Variants in ZNF420 observed in about 807,000 individuals in gnomAD.
The protein encoded by ZNF420 is ATM and p53-associated KZNF protein.
ZNF420 carries 31 observed loss-of-function variants against 44.7 expected under a neutral mutation model. The observed-to-expected ratio is 0.69, with a 90% confidence interval of 0.52 to 0.94. The LOEUF (loss-of-function observed/expected upper bound fraction) is 0.94, where lower values mean the gene tolerates loss of function less well. Among genes scored for constraint, ZNF420 ranks in the 40% least tolerant of loss-of-function variants. The pLI, the probability that ZNF420 is intolerant of heterozygous loss-of-function variation, is 0.00. For synonymous variants in ZNF420, 245 were observed against 267.4 expected, an observed-to-expected ratio of 0.92 and a Z score of 0.82; for missense variants, 681 against 827.9, an observed-to-expected ratio of 0.82 and a Z score of 2.18.
intron 4 of ZNF420, among the ~76,000 whole-genome samples, chr19:37,121,848 C>A (rs1971061954): frequency 6.6e-6 from 1 of 152,126 alleles, no homozygotes; most frequent in African/African-American, 2.4e-5. Context: ...ATTTATGCAG[C>A]CAAAAAACAC....
intron 1 of ZNF420, chr19:37,025,178 G>T: frequency 2.3e-6 from 1 of 434,154 alleles, no homozygotes; most frequent in Non-Finnish European, 3.7e-6. Context: ...ACAGAAAGTT[G>T]GCGGCTAGTC....
chr19:37,119,135 A>G (rs1045528109), intron 4 of ZNF420, among the ~76,000 whole-genome samples: 2 of 152,156 alleles, frequency 1.3e-5, no homozygotes, highest in Non-Finnish European at 2.9e-5. Flanking sequence ...AGACATCTAC[A>G]GAACTCTCCA....
chr19:37,114,638 T>C (rs112421556), intron 4 of ZNF420, among the ~76,000 whole-genome samples: 1,996 of 152,302 alleles, frequency 0.013, 47 homozygotes, highest in African/African-American at 0.045. Flanking sequence ...ACATTTTGCA[T>C]TGACCGAACC....
In ZNF420 at chr19:37,054,802, T is replaced by G. The variant is rs567362760; in HGVS notation, c.-124-25543T>G. On this transcript the variant is annotated intron_variant, in intron 1 of 4. Coordinates refer to the ZNF420 transcript ENST00000587029. ...TTTTCTTGGAGAGTTTCTTGATTCTTCTCAGTTGTAGCAGGATGGACTGAC... is the reference window on the plus strand; with the variant it reads ...TTTTCTTGGAGAGTTTCTTGATTCTGCTCAGTTGTAGCAGGATGGACTGAC... 2.6e-5 allele frequency among the ~76,000 whole-genome samples: 4 copies of G among 152,302 alleles called. No individual in the cohort carries two copies. In the East Asian group the frequency reaches 7.7e-4, roughly 29 times the overall value.
At chr19:37,026,700 G>A (rs994128023) in intron 1 of ZNF420, among the ~76,000 whole-genome samples, 4 of 152,148 alleles carry the variant, frequency 2.6e-5, no homozygotes, top group Non-Finnish European at 5.9e-5. Context: ...GACTTCAAGT[G>A]ATCCTCCTGC....
At chr19:37,017,334 A>G (rs1255643587) in intron 1 of ZNF420, among the ~76,000 whole-genome samples, 1 of 152,208 alleles carries the variant, frequency 6.6e-6, no homozygotes, top group African/African-American at 2.4e-5. Context: ...AGGATGCCCA[A>G]TTGGTGTGCA....
chr19:37,109,175 C>T lies in ZNF420; in HGVS notation c.137-17953C>T, dbSNP rs369426727. Among the ~76,000 whole-genome samples the T allele has an allele frequency of 5.3e-5, 8 of 152,266 alleles. No homozygotes were observed. In the East Asian group the frequency reaches 9.6e-4, roughly 18 times the overall value. Reference sequence around the variant, plus strand: ...TCTCCCTAGACAAATAGGAGGATAACGATACCCAGTAGAAATATTTATCGT... The same window carrying T: ...TCTCCCTAGACAAATAGGAGGATAATGATACCCAGTAGAAATATTTATCGT... On this transcript the variant is annotated intron_variant, in intron 4 of 4. Coordinates refer to ENST00000337995, the MANE Select transcript of ZNF420 (RefSeq NM_144689.5).
intron 4 of ZNF420, among the ~76,000 whole-genome samples, chr19:37,095,226 T>C (rs888394466): frequency 1.3e-5 from 2 of 151,892 alleles, no homozygotes; most frequent in Admixed American, 1.3e-4. Context: ...ACTTTGGGGG[T>C]ATTTCTGCCT....
intron 1 of ZNF420, among the ~76,000 whole-genome samples, chr19:37,010,092 A>C (rs1209224728): frequency 3.3e-5 from 5 of 152,148 alleles, no homozygotes; most frequent in African/African-American, 4.8e-5. Context: ...GCGCGAGAGG[A>C]TTATCCCGTC....
At chr19:37,066,096 C>A (rs776418774) in intron 1 of ZNF420, among the ~76,000 whole-genome samples, 1 of 152,160 alleles carries the variant, frequency 6.6e-6, no homozygotes, top group East Asian at 1.9e-4. Context: ...CAAATGTTAT[C>A]AAAAATGTTT....
At chr19:37,024,936 A>G in intron 1 of ZNF420, 1 of 181,468 alleles carries the variant, frequency 5.5e-6, no homozygotes. Context: ...TTGCCCAAAC[A>G]CACTAAAGGC....
chr19:37,124,645 A>C (rs966849373), intron 4 of ZNF420, among the ~76,000 whole-genome samples: 6 of 147,524 alleles, frequency 4.1e-5, no homozygotes, highest in African/African-American at 1.5e-4. Context: ...TCCTTCCCTT[A>C]TATTGGATAA....
intron 1 of ZNF420, among the ~76,000 whole-genome samples, chr19:37,019,967 C>A (rs1465148565): frequency 6.6e-6 from 1 of 152,080 alleles, no homozygotes; most frequent in African/African-American, 2.4e-5. Context: ...CCTGTAATCT[C>A]AGCACTTTGG....
In ZNF420 at chr19:37,033,891, G is replaced by A. The variant is rs576846735; in HGVS notation, c.-125+25809G>A. ...GCTGCCTCAGCCTCCTGAGTAGCTGGGATTACAGGCACACAGCACCACGCC... is the reference window on the plus strand; with the variant it reads ...GCTGCCTCAGCCTCCTGAGTAGCTGAGATTACAGGCACACAGCACCACGCC... On this transcript the variant is annotated intron_variant, in intron 1 of 4. Transcript: ENST00000587029. Among the ~76,000 whole-genome samples, 13 of 152,154 alleles carry A rather than the reference G, an allele frequency of 8.5e-5. No homozygotes were observed. The South Asian group carries it at 2.1e-3, about 24-fold the overall frequency.
chr19:37,078,085 T>A (rs1352288970), upstream of ZNF420: 1 of 152,944 alleles, frequency 6.5e-6, no homozygotes, highest in Non-Finnish European at 1.5e-5. Flanking sequence ...CGGCCCCAGC[T>A]CCTCCCCCGC....
intron 4 of ZNF420, among the ~76,000 whole-genome samples, chr19:37,116,595 AGACAGTGGGTGCAG>A (rs1462578310): frequency 6.6e-5 from 10 of 152,070 alleles, no homozygotes; most frequent in African/African-American, 2.4e-4. Context: ...AGGGAGTGCC[AGACAGTGGGTGCAG>A]GACAGTGGGT....
intron 4 of ZNF420, among the ~76,000 whole-genome samples, chr19:37,120,807 A>G (rs116019113): frequency 0.019 from 2,936 of 152,338 alleles, 78 homozygotes; most frequent in East Asian, 0.05. Flanking sequence ...TACAAAAATC[A>G]GCAGCATTCT....
upstream of ZNF420, among the ~76,000 whole-genome samples, chr19:37,075,673 C>T (rs980768772): frequency 2.0e-5 from 3 of 152,030 alleles, no homozygotes; most frequent in South Asian, 2.1e-4. Flanking sequence ...ACCCGGGAAG[C>T]GGAGGTTGCA....
chr19:37,044,378 G>C (rs1335624603), intron 1 of ZNF420, among the ~76,000 whole-genome samples: 1 of 152,142 alleles, frequency 6.6e-6, no homozygotes, highest in Non-Finnish European at 1.5e-5. Context: ...CCGAGGATCG[G>C]TGGGTGGCAG....
Sources: allele counts gnomAD v4.1 joint callset (sites outside exome capture counted in the v4.1 genomes callset), GRCh38; gene constraint gnomAD v4.1.1; transcripts MANE v1.5; gene names NCBI Gene and HGNC (gene_info 2026-07-23, HGNC 2026-07-21).